Variants in STX18 observed in about 807,000 individuals in gnomAD.
STX18 encodes syntaxin-18.
Under a neutral mutation model 50.1 loss-of-function variants are expected in STX18, and 40 were observed. That is an observed-to-expected ratio of 0.80 (90% CI 0.62 to 1.04). STX18 has a LOEUF of 1.04. Among genes scored for constraint, STX18 ranks in the 50% least tolerant of loss-of-function variants. The pLI is 0.00. For missense variants in STX18, 410 were observed against 415.8 expected, an observed-to-expected ratio of 0.99 and a Z score of 0.12; for synonymous variants, 158 against 151.8, an observed-to-expected ratio of 1.04 and a Z score of -0.30.
chr4:4,527,662 G>A (rs1016769954), intron 1 of STX18, among the ~76,000 whole-genome samples: 1 of 151,616 alleles, frequency 6.6e-6, no homozygotes, highest in African/African-American at 2.4e-5. Context: ...GGTCATATTT[G>A]GAGGGAAAGT....
At chr4:4,478,425 GTATC>G (rs1728302590) in intron 1 of STX18, among the ~76,000 whole-genome samples, 1 of 152,138 alleles carries the variant, frequency 6.6e-6, no homozygotes, top group African/African-American at 2.4e-5. Flanking sequence ...TGCATTTTGA[GTATC>G]TATCATCAAG....
intron 1 of STX18, among the ~76,000 whole-genome samples, chr4:4,483,191 C>T (rs1462213076): frequency 2.0e-5 from 3 of 152,094 alleles, no homozygotes; most frequent in Admixed American, 2.0e-4. Context: ...TTTCTAACAA[C>T]CTGGAACGTA....
In STX18 at chr4:4,420,676, A is replaced by G. The variant is rs1724893593; in HGVS notation, c.912+188T>C. The G allele has an allele frequency of 1.7e-6, 1 of 591,010 alleles. No individual in the cohort carries two copies. The highest frequency in any genetic ancestry group is 2.1e-5 in the South Asian group (1 of 48,548). 36.6% of individuals were successfully genotyped at this position (591,010 alleles called of 1,614,324 possible). ...TGGTGAGCCACTGCCTCTCGAAAGC[A>G]GCTGGAGGTGGGCGACAGGTGGTGG... On this transcript the variant is annotated intron_variant, in intron 10 of 10. Transcript: ENST00000306200. The surrounding 1 kb of genome is among the most constrained non-coding windows in gnomAD (Gnocchi z 4.3).
intron 1 of STX18, among the ~76,000 whole-genome samples, chr4:4,521,369 T>C (rs1042960657): frequency 2.6e-5 from 4 of 152,294 alleles, no homozygotes; most frequent in Middle Eastern, 3.4e-3. Flanking sequence ...GTGAAGCTTA[T>C]AGGGAAGTAA....
chr4:4,458,592 A>G (rs1328518748), intron 3 of STX18, among the ~76,000 whole-genome samples: 1 of 152,224 alleles, frequency 6.6e-6, no homozygotes, highest in African/African-American at 2.4e-5. Context: ...TAAGCAAATT[A>G]AAAAAGAATC....
chr4:4,458,535 T>TG (rs1727201701), intron 3 of STX18, among the ~76,000 whole-genome samples: 1 of 152,232 alleles, frequency 6.6e-6, no homozygotes, highest in Admixed American at 6.5e-5. Context: ...CAACAGCATC[T>TG]GGCAGCTTTG....
intron 1 of STX18, among the ~76,000 whole-genome samples, chr4:4,485,760 T>G (rs1728671809): frequency 6.6e-6 from 1 of 152,212 alleles, no homozygotes; most frequent in South Asian, 2.1e-4. Flanking sequence ...CCATTAGGTT[T>G]CTGTGGGATG....
At chr4:4,436,950 CTTTTT>C (rs34174730) in intron 6 of STX18, among the ~76,000 whole-genome samples, 8 of 116,774 alleles carry the variant, frequency 6.9e-5, no homozygotes, top group South Asian at 2.6e-4. Context: ...TCCAGACTCA[CTTTTT>C]TTTTTTTTTT....
In STX18 at chr4:4,420,856, G is replaced by C. The variant is rs755870966; in HGVS notation, c.912+8C>G. The C allele has an allele frequency of 4.1e-5, 66 of 1,613,778 alleles. No individual in the cohort carries two copies. The highest frequency in any genetic ancestry group is 5.4e-5 in the Non-Finnish European group (64 of 1,179,806). Reference sequence around the variant, plus strand: ...ACGTCGCACCTGGGGAACCTAAACAGTGCCTACCTCTCTTATGTCTTCGTT... The same window carrying C: ...ACGTCGCACCTGGGGAACCTAAACACTGCCTACCTCTCTTATGTCTTCGTT... On this transcript the variant is annotated splice_region_variant and intron_variant, in intron 10 of 10. Transcript: ENST00000306200. The surrounding 1 kb of genome is among the most constrained non-coding windows in gnomAD (Gnocchi z 4.3).
At chr4:4,504,011 G>A (rs1460149074) in intron 1 of STX18, among the ~76,000 whole-genome samples, 1 of 152,060 alleles carries the variant, frequency 6.6e-6, no homozygotes, top group Admixed American at 6.6e-5. Context: ...TCTTTTAGGG[G>A]ATACATGAAT....
intron 1 of STX18, among the ~76,000 whole-genome samples, chr4:4,504,595 T>C (rs1729608396): frequency 6.6e-6 from 1 of 152,152 alleles, no homozygotes; most frequent in African/African-American, 2.4e-5. Flanking sequence ...TTGTTCAGAA[T>C]GTATAAAGTA....
intron 3 of STX18, among the ~76,000 whole-genome samples, chr4:4,458,662 G>A (rs759063151): frequency 3.9e-5 from 6 of 152,158 alleles, no homozygotes; most frequent in Non-Finnish European, 7.4e-5. Context: ...AAACATCAAC[G>A]AAAGTGAGAT....
intron 1 of STX18, among the ~76,000 whole-genome samples, chr4:4,518,818 C>A (rs1433859278): frequency 6.6e-6 from 1 of 152,184 alleles, no homozygotes; most frequent in African/African-American, 2.4e-5. Flanking sequence ...TACACACGTG[C>A]ACTTTATTTT....
chr4:4,539,659 G>A (rs140196851), intron 1 of STX18, among the ~76,000 whole-genome samples: 6 of 152,248 alleles, frequency 3.9e-5, no homozygotes, highest in African/African-American at 7.2e-5. Flanking sequence ...ATTGTCATGC[G>A]GTCCAACCCT....
intron 1 of STX18, among the ~76,000 whole-genome samples, chr4:4,490,558 C>T (rs79062868): frequency 0.04 from 6,026 of 152,168 alleles, 180 homozygotes; most frequent in Non-Finnish European, 0.063. Flanking sequence ...ATGCTTACTT[C>T]GTAAAATGCA....
rs759621520 is a variant in STX18, at chr4:4,508,302, C to T, written c.168+33495G>A. ...CCCCCGTTTTTGCTTCTCTAGAATA[C>T]AACAACCTATCTCTTTGAACTGTCC... On this transcript the variant is annotated intron_variant, in intron 1 of 10. Coordinates refer to ENST00000306200, the MANE Select transcript of STX18 (RefSeq NM_016930.4). 4.6e-5 allele frequency among the ~76,000 whole-genome samples: 7 copies of T among 152,114 alleles called. No homozygotes were observed. The South Asian group carries it at 1.2e-3, about 27-fold the overall frequency.
intron 2 of STX18, chr4:4,461,927 C>T (rs924156570): frequency 1.1e-5 from 5 of 456,136 alleles, no homozygotes; most frequent in Non-Finnish European, 2.2e-5. Context: ...AGAGGTTCCG[C>T]TCTGTTCCTC....
rs1249325569 is a variant in STX18 at position 4,419,242 on chromosome 4, C to T, written c.*792G>A. On this transcript the variant is annotated 3_prime_UTR_variant, in exon 11 of 11. Coordinates refer to ENST00000306200, the MANE Select transcript of STX18 (RefSeq NM_016930.4). ...AGCACAGGCACGAGAGAAGCAGGCC[C>T]GTTCTTCCGTGGCCCACTTCTTCCT... 1 of 152,342 alleles carries T rather than the reference C, an allele frequency of 6.6e-6. No homozygotes were observed. Among genetic ancestry groups the T allele is most frequent in the Non-Finnish European group, 1.5e-5 (1 of 68,034 alleles). The allele number at this position is 152,342 out of a possible 1,614,324, so 9.4% of individuals were successfully genotyped here.
chr4:4,492,465 G>C (rs1247169142), intron 1 of STX18, among the ~76,000 whole-genome samples: 2 of 152,094 alleles, frequency 1.3e-5, no homozygotes, highest in Non-Finnish European at 2.9e-5. Flanking sequence ...GATTCAAACA[G>C]TGTTTGTAGA....
Sources: gnomAD v4.1 joint callset for allele counts (sites outside exome capture counted in the v4.1 genomes callset) on GRCh38, gnomAD v4.1.1 for gene constraint, Gnocchi (gnomAD v3.1) non-coding constraint, MANE v1.5 for transcripts, NCBI Gene and HGNC (gene_info 2026-07-23, HGNC 2026-07-21) for gene names.